The following LINGO2 variants were observed in gnomAD, a reference collection of about 807,000 sequenced individuals.
LINGO2 encodes leucine rich repeat and Ig domain containing 2, also known as leucine-rich repeat and immunoglobulin-like domain-containing nogo receptor-interacting protein 2.
A neutral mutation model predicts 30.6 loss-of-function variants in LINGO2; 14 were observed. That is an observed-to-expected ratio of 0.46 (90% CI 0.30 to 0.72). The LOEUF (loss-of-function observed/expected upper bound fraction) is 0.72, where lower values mean the gene tolerates loss of function less well. Ranked by LOEUF, LINGO2 falls within the 30% of genes least tolerant of loss-of-function variation. LINGO2 has a pLI of 0.07. For missense variants in LINGO2, 729 were observed against 751.7 expected, an observed-to-expected ratio of 0.97 and a Z score of 0.35; for synonymous variants, 317 against 288.5, an observed-to-expected ratio of 1.10 and a Z score of -1.00.
chr9:29,033,117 T>G, the LINGO2 span, among the ~76,000 whole-genome samples: 1 of 152,140 alleles, frequency 6.6e-6, no homozygotes, highest in East Asian at 1.9e-4. Context: ...TGGAACAGCT[T>G]CTTATTCTTC....
chr9:29,180,796 C>T, the LINGO2 span, among the ~76,000 whole-genome samples: 1 of 152,042 alleles, frequency 6.6e-6, no homozygotes, highest in Non-Finnish European at 1.5e-5. Flanking sequence ...ATCAGTGGTA[C>T]AAGTGTTTAA....
the LINGO2 span, among the ~76,000 whole-genome samples, chr9:28,701,766 C>T: frequency 8.6e-5 from 13 of 152,004 alleles, no homozygotes; most frequent in Admixed American, 4.6e-4. Context: ...TCATCCTATT[C>T]GTAAAAACAG....
chr9:28,470,612 T>A (rs1825480964), intron 2 of LINGO2, among the ~76,000 whole-genome samples: 1 of 152,076 alleles, frequency 6.6e-6, no homozygotes, highest in Non-Finnish European at 1.5e-5. Flanking sequence ...AAATAATTAG[T>A]TTTCCCAACA....
At chr9:29,063,145 A>C in the LINGO2 span, among the ~76,000 whole-genome samples, 1 of 136,422 alleles carries the variant, frequency 7.3e-6, no homozygotes, top group African/African-American at 2.6e-5. Flanking sequence ...AAAATAATGT[A>C]ACACAGAGGA....
intron 4 of LINGO2, among the ~76,000 whole-genome samples, chr9:28,063,106 A>G (rs1326355765): frequency 2.6e-5 from 4 of 152,168 alleles, no homozygotes; most frequent in African/African-American, 9.6e-5. Context: ...CAAAGCAAAA[A>G]GACCTCACGA....
chr9:28,280,931 T>C (rs571434942), intron 4 of LINGO2, among the ~76,000 whole-genome samples: 2 of 152,300 alleles, frequency 1.3e-5, no homozygotes, highest in Admixed American at 6.5e-5. Flanking sequence ...TTTTCTTATG[T>C]AGCAACAACC....
At chr9:29,020,583 C>A in the LINGO2 span, among the ~76,000 whole-genome samples, 1 of 82,586 alleles carries the variant, frequency 1.2e-5, no homozygotes, top group East Asian at 3.0e-4. Flanking sequence ...AGGCCAAGTA[C>A]CCAAGCTCAA....
the LINGO2 span, among the ~76,000 whole-genome samples, chr9:28,823,830 G>T: frequency 1.3e-5 from 2 of 152,108 alleles, no homozygotes; most frequent in Non-Finnish European, 2.9e-5. Flanking sequence ...TATATGATAA[G>T]CTGTACAGTC....
At chr9:28,557,550 G>A (rs1012584524) in intron 1 of LINGO2, among the ~76,000 whole-genome samples, 27 of 152,060 alleles carry the variant, frequency 1.8e-4, no homozygotes, top group South Asian at 4.2e-4. Context: ...CTGTTGGTGC[G>A]ACTGTAAACT....
chr9:29,108,728 G>A, the LINGO2 span, among the ~76,000 whole-genome samples: 35,899 of 152,060 alleles, frequency 0.24, 4,370 homozygotes, highest in East Asian at 0.41. Context: ...GGATAATGCA[G>A]AGTTAATTAC....
At chr9:28,872,305 A>G in the LINGO2 span, among the ~76,000 whole-genome samples, 1 of 152,090 alleles carries the variant, frequency 6.6e-6, no homozygotes, top group Non-Finnish European at 1.5e-5. Context: ...TTACAGGAAA[A>G]ATGATTTCCT....
Position 27,970,270 on chromosome 9 carries a change from A to G in LINGO2, c.-35-19564T>C, listed in dbSNP as rs1489359372. On this transcript the variant is annotated intron_variant, in intron 5 of 5. Coordinates refer to ENST00000379992, the Ensembl canonical transcript of LINGO2. ...ATATGGCCACCACTGTTCCTGGGAC[A>G]TGTAGACCCTCCCTCTTGACAGTCA... 2.0e-5 allele frequency among the ~76,000 whole-genome samples: 3 copies of G among 152,294 alleles called. No homozygotes were observed. In the East Asian group the frequency reaches 5.8e-4, roughly 29 times the overall value.
chr9:28,516,518 C>T (rs1485272300), intron 1 of LINGO2, among the ~76,000 whole-genome samples: 1 of 152,156 alleles, frequency 6.6e-6, no homozygotes, highest in Non-Finnish European at 1.5e-5. Context: ...GGTGTGATGA[C>T]TCCACTTCTT....
At chr9:28,621,887 A>C (rs1428032166) in intron 1 of LINGO2, among the ~76,000 whole-genome samples, 1 of 152,118 alleles carries the variant, frequency 6.6e-6, no homozygotes, top group Non-Finnish European at 1.5e-5. Flanking sequence ...TTGCTAAAAA[A>C]TGCTAATGAT....
intron 4 of LINGO2, among the ~76,000 whole-genome samples, chr9:28,201,865 A>G (rs926247454): frequency 1.3e-5 from 2 of 151,882 alleles, no homozygotes; most frequent in African/African-American, 2.4e-5. Context: ...AGAACTCAGA[A>G]TAAATGAGCC....
At chr9:29,095,685 C>T in the LINGO2 span, among the ~76,000 whole-genome samples, 5 of 138,562 alleles carry the variant, frequency 3.6e-5, no homozygotes, top group Non-Finnish European at 6.3e-5. Flanking sequence ...CTTTAAAGAC[C>T]GGAAGATAGT....
At chr9:28,016,824 C>CT (rs763447810) in intron 4 of LINGO2, among the ~76,000 whole-genome samples, 2 of 146,134 alleles carry the variant, frequency 1.4e-5, no homozygotes, top group African/African-American at 2.8e-5. Flanking sequence ...GGAAGGACTT[C>CT]TCCTCGACTC....
At chr9:27,951,044 AG>A (rs2118344524) in intron 5 of LINGO2, among the ~76,000 whole-genome samples, 1 of 152,298 alleles carries the variant, frequency 6.6e-6, no homozygotes, top group East Asian at 1.9e-4. Flanking sequence ...TCACACTCAA[AG>A]GCTCAGTTTT....
chr9:28,763,769 C>T, the LINGO2 span, among the ~76,000 whole-genome samples: 1 of 151,262 alleles, frequency 6.6e-6, no homozygotes, highest in Non-Finnish European at 1.5e-5. Context: ...CTGCCAAACC[C>T]TTAACTAGGT....
Sources: gnomAD v4.1 joint callset for allele counts (sites outside exome capture counted in the v4.1 genomes callset) on GRCh38, gnomAD v4.1.1 for gene constraint, MANE v1.5 for transcripts, NCBI Gene and HGNC (gene_info 2026-07-23, HGNC 2026-07-21) for gene names.